CDH13: variants seen among roughly 807,000 people sequenced by gnomAD.
The protein encoded by CDH13 is cadherin 13, also known as cadherin-13.
In CDH13, 24 loss-of-function variants were observed where a neutral mutation model predicts 63.8. That is an observed-to-expected ratio of 0.38 (90% confidence interval 0.27 to 0.53). The LOEUF (loss-of-function observed/expected upper bound fraction) is 0.53. Ranked by LOEUF, CDH13 falls within the 20% of genes least tolerant of loss-of-function variation. CDH13 has a pLI of 0.85. For missense variants in CDH13, 1,049 were observed against 903.1 expected (o/e 1.16, Z -2.07); for synonymous variants, 503 against 355.3 (o/e 1.42, Z -4.67).
chr16:83,096,593 G>A (rs8058790), intron 3 of CDH13, among the ~76,000 whole-genome samples: 1 of 152,030 alleles, frequency 6.6e-6, no homozygotes, highest in South Asian at 2.1e-4. Context: ...TCTGCTGAAC[G>A]CAAATTTAAA....
chr16:83,692,154 T>C (rs1904967089), intron 10 of CDH13, among the ~76,000 whole-genome samples: 1 of 152,228 alleles, frequency 6.6e-6, no homozygotes, highest in Admixed American at 6.5e-5. Flanking sequence ...CCCAATAGCT[T>C]GCTCTCTCCA....
chr16:82,664,749 G>A (rs1484955437), intron 1 of CDH13, among the ~76,000 whole-genome samples: 1 of 152,052 alleles, frequency 6.6e-6, no homozygotes, highest in Non-Finnish European at 1.5e-5. Flanking sequence ...TAAAACTGAG[G>A]GTTTTCTTCT....
intron 10 of CDH13, among the ~76,000 whole-genome samples, chr16:83,705,050 C>G (rs1221365675): frequency 6.6e-6 from 1 of 152,344 alleles, no homozygotes; most frequent in South Asian, 2.1e-4. Context: ...CTCACCACTT[C>G]AAGTGCTATA....
chr16:83,129,347 T>G (rs1039047574), intron 4 of CDH13, among the ~76,000 whole-genome samples: 1 of 152,204 alleles, frequency 6.6e-6, no homozygotes, highest in African/African-American at 2.4e-5. Flanking sequence ...ATAAAGACGT[T>G]TGTCTTTGGC....
chr16:83,022,489 G>C (rs1383119011), intron 2 of CDH13, among the ~76,000 whole-genome samples: 4 of 152,206 alleles, frequency 2.6e-5, no homozygotes, highest in Non-Finnish European at 5.9e-5. Flanking sequence ...TTGGTACCTT[G>C]AAATAAACAA....
chr16:83,675,865 T>C (rs1417909107), intron 9 of CDH13, among the ~76,000 whole-genome samples: 3 of 152,220 alleles, frequency 2.0e-5, no homozygotes, highest in Non-Finnish European at 4.4e-5. Context: ...ACAAGTCTAG[T>C]GCTAGAGAAA....
At chr16:83,229,263 G>A (rs905337660) in intron 5 of CDH13, among the ~76,000 whole-genome samples, 1 of 152,158 alleles carries the variant, frequency 6.6e-6, no homozygotes, top group Non-Finnish European at 1.5e-5. Context: ...TTCATTTATT[G>A]AGGCCCCACT....
chr16:83,400,495 A>G (rs2091952247), intron 6 of CDH13, among the ~76,000 whole-genome samples: 2 of 152,174 alleles, frequency 1.3e-5, no homozygotes, highest in South Asian at 4.1e-4. Context: ...AGCTTCCTGA[A>G]CTCATGCAAT....
chr16:83,726,601 C>G (rs1305076951), intron 10 of CDH13, among the ~76,000 whole-genome samples: 1 of 152,020 alleles, frequency 6.6e-6, no homozygotes, highest in Non-Finnish European at 1.5e-5. Context: ...TTTGGGAGGC[C>G]GAGGCGGGCA....
intron 10 of CDH13, among the ~76,000 whole-genome samples, chr16:83,708,144 AG>A (rs1287839756): frequency 1.8e-4 from 28 of 152,174 alleles, no homozygotes; most frequent in African/African-American, 6.5e-4. Context: ...CCACCCATAG[AG>A]GATCCACCCA....
chr16:83,035,664 G>A (rs939295260), intron 3 of CDH13, among the ~76,000 whole-genome samples: 9 of 152,158 alleles, frequency 5.9e-5, no homozygotes, highest in Admixed American at 2.0e-4. Context: ...TTTGAAGGAC[G>A]GGTCATTGTG....
intron 8 of CDH13, among the ~76,000 whole-genome samples, chr16:83,623,698 A>G (rs17760855): frequency 0.11 from 16,068 of 152,176 alleles, 1,038 homozygotes; most frequent in Non-Finnish European, 0.15. Flanking sequence ...ATAACCACGC[A>G]CTGGCCTCTC....
intron 1 of CDH13, chr16:82,829,201 C>G (rs894167780): frequency 1.3e-5 from 2 of 152,154 alleles, no homozygotes; most frequent in African/African-American, 4.8e-5. Flanking sequence ...AGGCACAAGT[C>G]GAGGAGGAAC....
chr16:82,780,219 G>C (rs1378246094), intron 1 of CDH13, among the ~76,000 whole-genome samples: 1 of 152,134 alleles, frequency 6.6e-6, no homozygotes, highest in African/African-American at 2.4e-5. Context: ...CGACCCACAA[G>C]TGGTTACAAC....
intron 6 of CDH13, among the ~76,000 whole-genome samples, chr16:83,379,938 T>TATATATATATATATAG: frequency 2.3e-4 from 29 of 123,460 alleles, no homozygotes; most frequent in Non-Finnish European, 3.4e-4. Flanking sequence ...TATATATATA[T>TATATATATATATATAG]AGAGAGAGAG....
At chr16:83,790,583 T>G (rs1156510508) in intron 13 of CDH13, among the ~76,000 whole-genome samples, 1 of 151,972 alleles carries the variant, frequency 6.6e-6, no homozygotes, top group Non-Finnish European at 1.5e-5. Context: ...TTTTGTATTT[T>G]TAGTAGACAT....
intron 1 of CDH13, among the ~76,000 whole-genome samples, chr16:82,828,108 T>C (rs1298993788): frequency 6.6e-6 from 1 of 152,144 alleles, no homozygotes; most frequent in Non-Finnish European, 1.5e-5. Context: ...TAGGCTCTGT[T>C]GTATTTGATT....
intron 7 of CDH13, among the ~76,000 whole-genome samples, chr16:83,567,590 G>A (rs930143892): frequency 6.6e-6 from 1 of 152,034 alleles, no homozygotes; most frequent in Non-Finnish European, 1.5e-5. Context: ...TTCGTCTGTT[G>A]TTTTTTGTTT....
At chr16:82,784,978 C>T (rs899128365) in intron 1 of CDH13, among the ~76,000 whole-genome samples, 3 of 152,156 alleles carry the variant, frequency 2.0e-5, no homozygotes, top group Admixed American at 1.3e-4. Flanking sequence ...AAGTCATCTT[C>T]CTGGACTCAG....
Sources: gnomAD v4.1 joint callset for allele counts (sites outside exome capture counted in the v4.1 genomes callset) on GRCh38, gnomAD v4.1.1 for gene constraint, MANE v1.5 for transcripts, NCBI Gene and HGNC (gene_info 2026-07-23, HGNC 2026-07-21) for gene names.